Variants in KIAA1217 observed in about 807,000 individuals in gnomAD.
KIAA1217 encodes the protein sickle tail protein homolog.
A neutral mutation model predicts 163.9 loss-of-function variants in KIAA1217; 88 were observed. The observed-to-expected ratio is 0.54, with a 90% confidence interval of 0.45 to 0.64. The LOEUF (loss-of-function observed/expected upper bound fraction) is 0.64. KIAA1217 is among the 30% of genes least tolerant of loss of function. The pLI is 0.00. For synonymous variants in KIAA1217, 903 were observed against 923.1 expected (o/e 0.98, Z 0.39); for missense variants, 2,372 against 2,475.0 (o/e 0.96, Z 0.88).
intron 2 of KIAA1217, among the ~76,000 whole-genome samples, chr10:24,301,441 T>G (rs1021563513): frequency 6.6e-5 from 10 of 152,198 alleles, no homozygotes; most frequent in African/African-American, 2.4e-4. Flanking sequence ...TTTCAGTATC[T>G]GGAAAACTGA....
At chr10:23,940,482 AAAG>A (rs1843722009) in intron 1 of KIAA1217, among the ~76,000 whole-genome samples, 2 of 150,860 alleles carry the variant, frequency 1.3e-5, no homozygotes, top group African/African-American at 4.9e-5. Flanking sequence ...AAAAAAAAAA[AAAG>A]AAAAAAGAAA....
At chr10:23,783,516 T>C (rs1835353858) in intron 1 of KIAA1217, among the ~76,000 whole-genome samples, 1 of 152,204 alleles carries the variant, frequency 6.6e-6, no homozygotes, top group South Asian at 2.1e-4. Flanking sequence ...TATTGACTTA[T>C]AGTTTTCTTT....
chr10:24,045,678 A>T (rs12251742), intron 2 of KIAA1217, among the ~76,000 whole-genome samples: 13,783 of 152,148 alleles, frequency 0.091, 943 homozygotes, highest in African/African-American at 0.19. Context: ...AACACATGGC[A>T]TTATTTTCTG....
At position 23,918,428 on chromosome 10, in the gene KIAA1217, A is replaced by G. The variant is rs12257720; in HGVS notation, c.-320-88797A>G. ...GATCTTGTTCTGAGAATGAAGCATA[A>G]CTGATGCTTGACCTGCCCTTTCGGG... On this transcript the variant is annotated intron_variant, in intron 1 of 18. Transcript: ENST00000376462. Among the ~76,000 whole-genome samples, 65 of 152,094 alleles carry G rather than the reference A, an allele frequency of 4.3e-4. No individual in the cohort carries two copies. In the East Asian group the frequency reaches 0.012, roughly 29 times the overall value.
intron 1 of KIAA1217, among the ~76,000 whole-genome samples, chr10:23,890,674 A>G (rs997017729): frequency 2.0e-5 from 3 of 151,966 alleles, no homozygotes; most frequent in African/African-American, 7.2e-5. Flanking sequence ...CATACAGCCT[A>G]TATTGATGAG....
intron 2 of KIAA1217, among the ~76,000 whole-genome samples, chr10:24,148,204 C>G (rs2064428669): frequency 6.6e-6 from 1 of 152,006 alleles, no homozygotes; most frequent in Non-Finnish European, 1.5e-5. Context: ...GCATTCATTA[C>G]TATGAATAGA....
intron 1 of KIAA1217, among the ~76,000 whole-genome samples, chr10:23,780,373 A>G (rs1835201657): frequency 1.3e-5 from 2 of 152,142 alleles, no homozygotes; most frequent in South Asian, 4.1e-4. Context: ...CTTTAGACTT[A>G]TTTATCCTAT....
At chr10:24,009,855 C>T (rs1485298026) in intron 2 of KIAA1217, among the ~76,000 whole-genome samples, 1 of 152,078 alleles carries the variant, frequency 6.6e-6, no homozygotes, top group Non-Finnish European at 1.5e-5. Context: ...TTGGGAGATT[C>T]GCTCTCAAAG....
chr10:24,492,900 C>T (rs2066326576), intron 6 of KIAA1217, among the ~76,000 whole-genome samples: 2 of 151,676 alleles, frequency 1.3e-5, no homozygotes, highest in African/African-American at 4.9e-5. Context: ...GGATGGAGTG[C>T]AGTGGCGCGA....
At chr10:24,406,979 C>T (rs756432841) in intron 3 of KIAA1217, among the ~76,000 whole-genome samples, 9 of 152,146 alleles carry the variant, frequency 5.9e-5, no homozygotes, top group Admixed American at 2.0e-4. Context: ...ACTGGGTGAG[C>T]GCAGAGCCTT....
At chr10:23,908,748 A>G (rs1178177718) in intron 1 of KIAA1217, among the ~76,000 whole-genome samples, 2 of 152,128 alleles carry the variant, frequency 1.3e-5, no homozygotes, top group East Asian at 3.9e-4. Flanking sequence ...TCAAAAAATA[A>G]TAGATGTTGG....
intron 2 of KIAA1217, among the ~76,000 whole-genome samples, chr10:24,171,888 GTTATTGAAACC>G (rs1277596813): frequency 1.3e-5 from 2 of 152,176 alleles, no homozygotes; most frequent in Non-Finnish European, 2.9e-5. Flanking sequence ...AAAGCTAGAA[GTTATTGAAACC>G]TTCCTGCAAG....
intron 2 of KIAA1217, among the ~76,000 whole-genome samples, chr10:24,095,776 C>A (rs2062134251): frequency 6.6e-6 from 1 of 152,102 alleles, no homozygotes; most frequent in South Asian, 2.1e-4. Flanking sequence ...CTTTTAGATA[C>A]CTCTTAGAGG....
chr10:23,854,821 A>G (rs2131110171), intron 1 of KIAA1217, among the ~76,000 whole-genome samples: 1 of 152,204 alleles, frequency 6.6e-6, no homozygotes, highest in East Asian at 1.9e-4. Context: ...GTTTTATCAG[A>G]GTCTAGGATT....
chr10:24,404,625 C>T (rs1280329809), intron 3 of KIAA1217, among the ~76,000 whole-genome samples: 2 of 144,896 alleles, frequency 1.4e-5, no homozygotes, highest in Non-Finnish European at 3.0e-5. Flanking sequence ...GACCCAGCAA[C>T]TGCAGTCTTT....
intron 1 of KIAA1217, among the ~76,000 whole-genome samples, chr10:24,002,100 T>C (rs1427782552): frequency 6.6e-6 from 1 of 152,130 alleles, no homozygotes; most frequent in Non-Finnish European, 1.5e-5. Flanking sequence ...ATGCCGACTG[T>C]GGTAAACAAT....
At chr10:24,285,195 T>C (rs965867907) in intron 2 of KIAA1217, among the ~76,000 whole-genome samples, 1 of 152,230 alleles carries the variant, frequency 6.6e-6, no homozygotes, top group Non-Finnish European at 1.5e-5. Context: ...AGCCTGTTGA[T>C]AGTATCTTTT....
intron 2 of KIAA1217, among the ~76,000 whole-genome samples, chr10:24,343,369 G>A (rs2047340631): frequency 6.7e-6 from 1 of 150,014 alleles, no homozygotes; most frequent in African/African-American, 2.5e-5. Context: ...TATAATCATT[G>A]ACGTTAGAGT....
intron 2 of KIAA1217, among the ~76,000 whole-genome samples, chr10:24,239,751 A>G (rs952674946): frequency 2.0e-5 from 3 of 151,634 alleles, no homozygotes; most frequent in Admixed American, 2.0e-4. Flanking sequence ...TGAAATTGAG[A>G]CTATGGGTAG....
Sources: gnomAD v4.1 joint callset for allele counts (sites outside exome capture counted in the v4.1 genomes callset) on GRCh38, gnomAD v4.1.1 for gene constraint, MANE v1.5 for transcripts, NCBI Gene and HGNC (gene_info 2026-07-23, HGNC 2026-07-21) for gene names.